CDH12: variants seen among roughly 807,000 people sequenced by gnomAD.
CDH12 encodes cadherin-12.
A neutral mutation model predicts 74.1 loss-of-function variants in CDH12; 41 were observed. That is an observed-to-expected ratio of 0.55 (90% CI 0.43 to 0.72). CDH12 has a LOEUF of 0.72. Ranked by LOEUF, CDH12 falls within the 30% of genes least tolerant of loss-of-function variation. The probability of loss-of-function intolerance (pLI) is 0.00; values close to 1 mark genes in which losing one functional copy is unlikely to be tolerated. For synonymous variants in CDH12, 399 were observed against 355.0 expected (o/e 1.12, Z -1.39); for missense variants, 945 against 977.2 (o/e 0.97, Z 0.44).
chr5:22,576,094 G>T (rs1488054285), intron 1 of CDH12, among the ~76,000 whole-genome samples: 1 of 152,110 alleles, frequency 6.6e-6, no homozygotes, highest in Non-Finnish European at 1.5e-5. Context: ...ATCTCACTTT[G>T]TGTTCCCCAG....
intron 4 of CDH12, among the ~76,000 whole-genome samples, chr5:22,096,225 A>G (rs1375849115): frequency 6.6e-6 from 1 of 152,132 alleles, no homozygotes; most frequent in Admixed American, 6.5e-5. Context: ...CAAACTCGAC[A>G]GTAGTTCCAA....
intron 5 of CDH12, among the ~76,000 whole-genome samples, chr5:22,022,161 T>C (rs984707845): frequency 6.6e-6 from 1 of 152,132 alleles, no homozygotes; most frequent in African/African-American, 2.4e-5. Flanking sequence ...GACATCATAT[T>C]TTGAATCTGG....
chr5:21,888,827 C>A, intron 6 of CDH12, among the ~76,000 whole-genome samples: 1 of 151,766 alleles, frequency 6.6e-6, no homozygotes, highest in East Asian at 1.9e-4. Flanking sequence ...TTAATACATA[C>A]CTATTTTATG....
chr5:22,000,155 T>A (rs1297877153), intron 5 of CDH12, among the ~76,000 whole-genome samples: 2 of 152,182 alleles, frequency 1.3e-5, no homozygotes, highest in Admixed American at 6.5e-5. Flanking sequence ...ACAGATGGAA[T>A]CTTGCTATGT....
chr5:22,790,912 A>T (rs1180553053), intron 1 of CDH12, among the ~76,000 whole-genome samples: 1 of 152,128 alleles, frequency 6.6e-6, no homozygotes, highest in African/African-American at 2.4e-5. Context: ...TCTATTGAAA[A>T]GACACCTATG....
At chr5:21,854,897 G>A (rs886384335) in intron 6 of CDH12, 107 bp from the exon 7 acceptor site, 11 of 922,270 alleles carry the variant, frequency 1.2e-5, no homozygotes, top group Non-Finnish European at 1.8e-5. Flanking sequence ...CCTACGTCAA[G>A]TACACCATGA....
At chr5:22,517,837 A>T (rs1374683051) in intron 1 of CDH12, among the ~76,000 whole-genome samples, 1 of 152,118 alleles carries the variant, frequency 6.6e-6, no homozygotes, top group African/African-American at 2.4e-5. Context: ...GATCTAGGCA[A>T]ATATATATTT....
chr5:22,458,080 A>G (rs1385183976), intron 2 of CDH12, among the ~76,000 whole-genome samples: 2 of 151,948 alleles, frequency 1.3e-5, no homozygotes, highest in Non-Finnish European at 2.9e-5. Flanking sequence ...GGGTTTCACC[A>G]TATTGGCCAG....
At chr5:22,545,156 T>C (rs1040749694) in intron 1 of CDH12, among the ~76,000 whole-genome samples, 1 of 152,218 alleles carries the variant, frequency 6.6e-6, no homozygotes, top group Non-Finnish European at 1.5e-5. Flanking sequence ...GAATTTATTA[T>C]GTTATTGTGC....
At chr5:22,780,882 T>C (rs1360124940) in intron 1 of CDH12, among the ~76,000 whole-genome samples, 1 of 152,134 alleles carries the variant, frequency 6.6e-6, no homozygotes, top group Non-Finnish European at 1.5e-5. Flanking sequence ...AGTCTGTAAA[T>C]AGTAATTTTA....
At chr5:21,809,213 C>T (rs1478423953) in intron 9 of CDH12, among the ~76,000 whole-genome samples, 2 of 151,894 alleles carry the variant, frequency 1.3e-5, no homozygotes, top group Admixed American at 6.6e-5. Context: ...TATAGTAATG[C>T]CTGTATTTTA....
intron 3 of CDH12, among the ~76,000 whole-genome samples, chr5:22,323,419 T>A (rs181689425): frequency 6.6e-6 from 1 of 152,206 alleles, no homozygotes; most frequent in African/African-American, 2.4e-5. Flanking sequence ...ATTACTTTTA[T>A]ACATTTACTT....
intron 5 of CDH12, among the ~76,000 whole-genome samples, chr5:22,032,573 T>C (rs1738889516): frequency 6.6e-6 from 1 of 151,718 alleles, no homozygotes; most frequent in South Asian, 2.1e-4. Flanking sequence ...TAGTTGGGCA[T>C]GGTGGTGCAC....
At chr5:21,781,629 C>A (rs748287048) in intron 11 of CDH12, among the ~76,000 whole-genome samples, 1 of 151,484 alleles carries the variant, frequency 6.6e-6, no homozygotes, top group Non-Finnish European at 1.5e-5. Context: ...TGGGTTGAGG[C>A]AGGAGAATCG....
At chr5:22,833,355 A>T (rs1736699065) in intron 1 of CDH12, among the ~76,000 whole-genome samples, 1 of 152,202 alleles carries the variant, frequency 6.6e-6, no homozygotes. Context: ...CATAGTTGAG[A>T]TTCAGTGAAG....
intron 4 of CDH12, among the ~76,000 whole-genome samples, chr5:22,176,014 G>A (rs1424224014): frequency 6.6e-6 from 1 of 152,122 alleles, no homozygotes; most frequent in Non-Finnish European, 1.5e-5. Context: ...AACCCTTTCT[G>A]TGCTGAATCC....
chr5:22,639,602 C>CG (rs769537552), intron 1 of CDH12, among the ~76,000 whole-genome samples: 16 of 151,984 alleles, frequency 1.1e-4, no homozygotes, highest in South Asian at 2.1e-4. Flanking sequence ...GAGTTCTGAA[C>CG]GTGCTAGTTT....
At chr5:22,123,664 A>G (rs1426937633) in intron 4 of CDH12, among the ~76,000 whole-genome samples, 2 of 152,198 alleles carry the variant, frequency 1.3e-5, no homozygotes, top group East Asian at 3.8e-4. Flanking sequence ...AAAACTTTGA[A>G]AAGAAAAATG....
At chr5:22,588,954 T>C (rs1174196163) in intron 1 of CDH12, among the ~76,000 whole-genome samples, 1 of 152,208 alleles carries the variant, frequency 6.6e-6, no homozygotes, top group Non-Finnish European at 1.5e-5. Flanking sequence ...ATACTATCTT[T>C]AAAAAATAGT....
Sources: allele counts gnomAD v4.1 joint callset (sites outside exome capture counted in the v4.1 genomes callset), GRCh38; gene constraint gnomAD v4.1.1; transcripts MANE v1.5; gene names NCBI Gene and HGNC (gene_info 2026-07-23, HGNC 2026-07-21).